The following AK8 variants were observed in gnomAD, a reference collection of about 807,000 sequenced individuals.
AK8 encodes ATP-AMP transphosphorylase 8.
Under a neutral mutation model 54.6 loss-of-function variants are expected in AK8, and 44 were observed. The ratio of observed to expected loss-of-function variants is 0.81; its 90% CI spans 0.63 to 1.04. The LOEUF (loss-of-function observed/expected upper bound fraction) is 1.04. Among genes scored for constraint, AK8 ranks in the 50% least tolerant of loss-of-function variants. AK8 has a pLI of 0.00. For missense variants in AK8, 555 were observed against 613.6 expected (o/e 0.90, Z 1.01); for synonymous variants, 239 against 245.6 (o/e 0.97, Z 0.25).
intron 10 of AK8, among the ~76,000 whole-genome samples, chr9:132,812,490 CG>C (rs930545390): frequency 2.7e-3 from 13 of 4,782 alleles, no homozygotes; most frequent in African/African-American, 9.3e-3. Flanking sequence ...CCACCCGCCT[CG>C]GCCTTCCAAA....
chr9:132,855,425 C>T (rs900667290), intron 4 of AK8, among the ~76,000 whole-genome samples: 3 of 149,746 alleles, frequency 2.0e-5, no homozygotes, highest in Admixed American at 1.3e-4. Flanking sequence ...CAGACAGTGG[C>T]GGGTGGGAGG....
At chr9:132,798,634 C>T (rs1840290967) in intron 10 of AK8, among the ~76,000 whole-genome samples, 2 of 152,090 alleles carry the variant, frequency 1.3e-5, no homozygotes, top group African/African-American at 2.4e-5. Context: ...ATTTAGCCAA[C>T]TGCAAGATAT....
At chr9:132,875,083 C>T (rs199605237) in intron 2 of AK8, 32 bp downstream of exon 2, 17 of 1,612,360 alleles carry the variant, frequency 1.1e-5, no homozygotes, top group Admixed American at 1.0e-4. Context: ...GAAGGGAAGA[C>T]GAGGAGGGGA....
intron 10 of AK8, among the ~76,000 whole-genome samples, chr9:132,812,761 G>A (rs1351833646): frequency 1.3e-5 from 2 of 152,196 alleles, no homozygotes; most frequent in Non-Finnish European, 2.9e-5. Flanking sequence ...GCTGGAATCT[G>A]AACCAGACTG....
chr9:132,823,058 A>C, intron 9 of AK8, 147 bp downstream of exon 9: 1 of 1,157,376 alleles, frequency 8.6e-7, no homozygotes, highest in Non-Finnish European at 1.1e-6. Context: ...ACTAACAGAA[A>C]ATGGTTAAGA....
chr9:132,877,845 TTTCACAGG>T (rs1844199977), intron 1 of AK8: 3 of 586,152 alleles, frequency 5.1e-6, no homozygotes, highest in Non-Finnish European at 9.6e-6. Flanking sequence ...CAACCTGGCA[TTTCACAGG>T]TGGGGAAACC....
chr9:132,863,824 A>C, intron 3 of AK8, 46 bp from the exon 4 acceptor site: 1 of 1,414,174 alleles, frequency 7.1e-7, no homozygotes, highest in Non-Finnish European at 9.9e-7. Context: ...AAAACAATAA[A>C]TACACAAATG....
At chr9:132,877,392 C>A (rs896281387) in intron 1 of AK8, among the ~76,000 whole-genome samples, 1 of 152,174 alleles carries the variant, frequency 6.6e-6, no homozygotes, top group African/African-American at 2.4e-5. Flanking sequence ...CCATGCCATG[C>A]CCCTGGGGAT....
chr9:132,839,584 G>C (rs1280321698), intron 5 of AK8, among the ~76,000 whole-genome samples: 1 of 152,172 alleles, frequency 6.6e-6, no homozygotes, highest in Non-Finnish European at 1.5e-5. Context: ...GCAGGCTCCT[G>C]CTCAGCAGCA....
intron 2 of AK8, among the ~76,000 whole-genome samples, chr9:132,870,905 A>G (rs768128755): frequency 2.0e-4 from 30 of 152,240 alleles, no homozygotes; most frequent in Non-Finnish European, 5.9e-5. Context: ...TCTAGGACAC[A>G]TGAGGATTGG....
At chr9:132,853,219 A>G (rs1478587533) in intron 5 of AK8, among the ~76,000 whole-genome samples, 1 of 151,772 alleles carries the variant, frequency 6.6e-6, no homozygotes, top group Middle Eastern at 3.2e-3. Context: ...TAAGCCAGGC[A>G]TGGTGACGCA....
chr9:132,814,434 ACTCAC>A (rs1474191628), intron 10 of AK8, among the ~76,000 whole-genome samples, 199 bp downstream of exon 10: 1 of 151,954 alleles, frequency 6.6e-6, no homozygotes, highest in Non-Finnish European at 1.5e-5. Flanking sequence ...ACATCCACAA[ACTCAC>A]CTCACTGGGG....
At position 132,790,654 on chromosome 9, in the gene AK8, G is replaced by C. The variant is rs79955865; in HGVS notation, c.1121+1980C>G. On this transcript the variant is annotated intron_variant, in intron 11 of 12. Transcript: ENST00000298545. This position sits in a 1 kb window ranked among gnomAD's most constrained non-coding sequence, Gnocchi z 4.1. ...GCCCTTATGGTCAGGAAAAACCACC[G>C]TGTCGATCATGACACCCTGTTCTGA... is the stretch of plus-strand genomic sequence containing the variant. Among the ~76,000 whole-genome samples, 5 of 152,182 alleles carry C rather than the reference G, an allele frequency of 3.3e-5. 1 individual carries two copies. Among genetic ancestry groups the C allele is most frequent in the South Asian group, 4.2e-4 (2 of 4,818 alleles).
intron 11 of AK8, among the ~76,000 whole-genome samples, chr9:132,750,334 G>T (rs1353576258): frequency 6.6e-6 from 1 of 151,882 alleles, no homozygotes; most frequent in Non-Finnish European, 1.5e-5. Context: ...GGCCAGGCTG[G>T]TGTCCAAATC....
At chr9:132,785,735 A>T (rs775579652) in intron 11 of AK8, among the ~76,000 whole-genome samples, 1 of 152,258 alleles carries the variant, frequency 6.6e-6, no homozygotes, top group Non-Finnish European at 1.5e-5. Flanking sequence ...CATTCTGTCC[A>T]CAGTGAAGAC....
chr9:132,818,668 G>C (rs1841440207), intron 9 of AK8, among the ~76,000 whole-genome samples: 1 of 152,104 alleles, frequency 6.6e-6, no homozygotes, highest in African/African-American at 2.4e-5. Context: ...ACAAAGAACA[G>C]ATGACACAAG....
chr9:132,753,619 C>T (rs1052741970), intron 11 of AK8, among the ~76,000 whole-genome samples: 1 of 152,204 alleles, frequency 6.6e-6, no homozygotes, highest in African/African-American at 2.4e-5. Flanking sequence ...TGGCTTTAAG[C>T]CAGTTTCCTT....
intron 11 of AK8, among the ~76,000 whole-genome samples, chr9:132,776,774 G>A (rs1444642901): frequency 6.6e-6 from 1 of 152,120 alleles, no homozygotes; most frequent in African/African-American, 2.4e-5. Context: ...AGGAGAAGAC[G>A]ATTCACAGGG....
intron 11 of AK8, among the ~76,000 whole-genome samples, chr9:132,745,490 G>A (rs1837606000): frequency 6.6e-6 from 1 of 152,158 alleles, no homozygotes; most frequent in Admixed American, 6.6e-5. Context: ...ACCCGAGCTG[G>A]GCCCCGGCAG....
Sources: allele counts gnomAD v4.1 joint callset (sites outside exome capture counted in the v4.1 genomes callset), GRCh38; gene constraint gnomAD v4.1.1; non-coding constraint Gnocchi (gnomAD v3.1); transcripts MANE v1.5; gene names NCBI Gene and HGNC (gene_info 2026-07-23, HGNC 2026-07-21).